The following EDA variants were observed in gnomAD, a reference collection of about 807,000 sequenced individuals.
EDA encodes ectodysplasin A, also known as ectodysplasin-A.
A neutral mutation model predicts 23.6 loss-of-function variants in EDA; 2 were observed. That is an observed-to-expected ratio of 0.08 (90% CI 0.03 to 0.27). The LOEUF is 0.27. EDA is among the 10% of genes least tolerant of loss of function. The pLI, the probability that EDA is intolerant of heterozygous loss-of-function variation, is 1.00. For synonymous variants in EDA, 131 were observed against 132.0 expected, an observed-to-expected ratio of 0.99 and a Z score of 0.05; for missense variants, 229 against 324.2, an observed-to-expected ratio of 0.71 and a Z score of 2.26.
chrX:69,678,081 C>T (rs1934174805), intron 1 of EDA, among the ~76,000 whole-genome samples: 1 of 111,160 alleles, frequency 9.0e-6, no homozygotes, highest in Non-Finnish European at 1.9e-5. Flanking sequence ...AATAGGGAAT[C>T]CTTTCCCCAT....
At chrX:69,677,165 T>C (rs1360569493) in intron 1 of EDA, among the ~76,000 whole-genome samples, 1 of 104,044 alleles carries the variant, frequency 9.6e-6, no homozygotes, top group Non-Finnish European at 2.0e-5. Flanking sequence ...AACTCATCCT[T>C]TTTTATGGCT....
At chrX:69,684,886 A>T (rs768133264) in intron 1 of EDA, among the ~76,000 whole-genome samples, 8 of 112,529 alleles carry the variant, frequency 7.1e-5, no homozygotes, top group Non-Finnish European at 1.1e-4. Context: ...ATAGCTGTAT[A>T]TCTCTGCCCA....
intron 2 of EDA, among the ~76,000 whole-genome samples, chrX:69,999,442 A>G (rs2019707754): frequency 9.1e-6 from 1 of 109,618 alleles, no homozygotes; most frequent in Non-Finnish European, 1.9e-5. Flanking sequence ...GTGAAACCCC[A>G]TCTCTACTAA....
chrX:69,826,269 T>C (rs1372860772), intron 1 of EDA, among the ~76,000 whole-genome samples: 22 of 111,087 alleles, frequency 2.0e-4, no homozygotes, highest in African/African-American at 6.2e-4. Flanking sequence ...ACCTTCTGTC[T>C]TGTTGATCTG....
chrX:69,833,309 TTTG>T (rs202214611), intron 1 of EDA, among the ~76,000 whole-genome samples: 2,807 of 111,794 alleles, frequency 0.025, 35 homozygotes, highest in Non-Finnish European at 0.035. Context: ...ATGTGGTTTT[TTTG>T]TTGTTGTTGG....
At chrX:69,703,295 G>A (rs1168516613) in intron 1 of EDA, among the ~76,000 whole-genome samples, 1 of 111,641 alleles carries the variant, frequency 9.0e-6, no homozygotes, top group Non-Finnish European at 1.9e-5. Context: ...TTACCAGTAG[G>A]TGAGATCAGT....
rs187003778 is a variant in EDA at position 69,709,470 on chromosome X, A to G, written c.396+92766A>G. ...AATGTGGCACATCAGTTTTGACTCTATAAAGCTATTCTGAGACACCGTCAA... is the reference window on the plus strand; with the variant it reads ...AATGTGGCACATCAGTTTTGACTCTGTAAAGCTATTCTGAGACACCGTCAA... On this transcript the variant is annotated intron_variant, in intron 1 of 7. Coordinates refer to ENST00000374552, the MANE Select transcript of EDA (RefSeq NM_001399.5). Among the ~76,000 whole-genome samples, 334 of 111,855 alleles carry G rather than the reference A, an allele frequency of 3.0e-3. 1 individual carries two copies. The highest frequency in any genetic ancestry group is 5.3e-3 in the Non-Finnish European group (284 of 53,125).
chrX:69,666,244 G>A (rs1933677609), intron 1 of EDA, among the ~76,000 whole-genome samples: 2 of 112,065 alleles, frequency 1.8e-5, no homozygotes, highest in African/African-American at 6.5e-5. Flanking sequence ...TCTGCAAATA[G>A]AGATAATTTT....
chrX:69,826,828 T>C (rs1019451955), intron 1 of EDA, among the ~76,000 whole-genome samples: 5 of 111,833 alleles, frequency 4.5e-5, no homozygotes, highest in African/African-American at 1.6e-4. Context: ...GATTTTGCAG[T>C]GGCTGGAACC....
chrX:69,839,281 C>A (rs1284898871), intron 1 of EDA, among the ~76,000 whole-genome samples: 1 of 111,634 alleles, frequency 9.0e-6, no homozygotes, highest in Non-Finnish European at 1.9e-5. Flanking sequence ...AAATGAGTTT[C>A]TTTATCTCCT....
intron 1 of EDA, among the ~76,000 whole-genome samples, chrX:69,691,254 T>G (rs965756510): frequency 1.8e-5 from 2 of 111,720 alleles, no homozygotes; most frequent in African/African-American, 6.5e-5. Flanking sequence ...CCTTTAAAAT[T>G]AGATGAATTA....
At chrX:69,899,176 C>T (rs1367505864) in intron 1 of EDA, among the ~76,000 whole-genome samples, 1 of 112,089 alleles carries the variant, frequency 8.9e-6, no homozygotes, top group African/African-American at 3.2e-5. Context: ...CACTTCCATT[C>T]TTCTCCAGCA....
chrX:70,029,690 T>A, intron 5 of EDA, 152 bp downstream of exon 5: 1 of 607,631 alleles, frequency 1.6e-6, no homozygotes, highest in Non-Finnish European at 2.7e-6. Flanking sequence ...CCCTCCCATC[T>A]CTATGAATAG....
chrX:69,991,630 T>C (rs780378943), intron 2 of EDA, among the ~76,000 whole-genome samples: 15 of 111,755 alleles, frequency 1.3e-4, no homozygotes, highest in South Asian at 3.8e-4. Context: ...AATTACCTAA[T>C]TGGGCTCCCT....
At chrX:69,704,660 A>C (rs2011639595) in intron 1 of EDA, among the ~76,000 whole-genome samples, 1 of 110,915 alleles carries the variant, frequency 9.0e-6, no homozygotes, top group Non-Finnish European at 1.9e-5. Context: ...TTATCTCCCA[A>C]GGATAAGGTG....
chrX:69,953,150 T>G (rs1288819403), intron 1 of EDA, among the ~76,000 whole-genome samples: 1 of 111,973 alleles, frequency 8.9e-6, no homozygotes, highest in Non-Finnish European at 1.9e-5. Context: ...ACTCATTGCC[T>G]GTTTATTCTG....
intron 1 of EDA, among the ~76,000 whole-genome samples, chrX:69,756,191 T>C (rs1237747651): frequency 1.8e-5 from 2 of 112,221 alleles, no homozygotes; most frequent in Non-Finnish European, 3.8e-5. Context: ...CTCCTCAGTT[T>C]TATTTTTCTT....
chrX:69,894,747 C>A (rs1454672567), intron 1 of EDA, among the ~76,000 whole-genome samples: 1 of 111,660 alleles, frequency 9.0e-6, no homozygotes, highest in Non-Finnish European at 1.9e-5. Flanking sequence ...GATTTTTGTA[C>A]CTTGATGTTG....
chrX:69,748,641 C>T (rs2013701569), intron 1 of EDA, among the ~76,000 whole-genome samples: 1 of 111,626 alleles, frequency 9.0e-6, no homozygotes, highest in Non-Finnish European at 1.9e-5. Flanking sequence ...GATGGCATAG[C>T]ATAATAGCTT....
Sources: allele counts gnomAD v4.1 joint callset (sites outside exome capture counted in the v4.1 genomes callset), GRCh38; gene constraint gnomAD v4.1.1; transcripts MANE v1.5; gene names NCBI Gene and HGNC (gene_info 2026-07-23, HGNC 2026-07-21).